PSD3: variants seen among roughly 807,000 people sequenced by gnomAD.
PSD3 encodes the protein PH and SEC7 domain-containing protein 3.
Under a neutral mutation model 105.5 loss-of-function variants are expected in PSD3, and 49 were observed. The observed-to-expected ratio is 0.46, with a 90% CI of 0.37 to 0.59. The LOEUF (loss-of-function observed/expected upper bound fraction) is 0.59, where lower values mean the gene tolerates loss of function less well. Ranked by LOEUF, PSD3 falls within the 20% of genes least tolerant of loss-of-function variation. The probability of loss-of-function intolerance (pLI) is 0.00; values close to 1 mark genes in which losing one functional copy is unlikely to be tolerated. For synonymous variants in PSD3, 557 were observed against 457.8 expected (o/e 1.22, Z -2.77); for missense variants, 1,561 against 1,263.8 (o/e 1.24, Z -3.57).
intron 9 of PSD3, among the ~76,000 whole-genome samples, chr8:18,730,844 T>G (rs1388606222): frequency 6.6e-6 from 1 of 151,950 alleles, no homozygotes; most frequent in Non-Finnish European, 1.5e-5. Context: ...TTAAAATATA[T>G]GAAAACACTG....
intron 2 of PSD3, among the ~76,000 whole-genome samples, chr8:18,932,710 T>A (rs999717106): frequency 5.9e-5 from 9 of 152,236 alleles, no homozygotes; most frequent in African/African-American, 2.2e-4. Context: ...TAGGAGGCCC[T>A]ACATGATATG....
chr8:18,558,249 T>G (rs915219808), intron 14 of PSD3, among the ~76,000 whole-genome samples: 5 of 152,234 alleles, frequency 3.3e-5, no homozygotes, highest in Non-Finnish European at 7.3e-5. Flanking sequence ...CTTTGTGTAT[T>G]TATTGCAATA....
At chr8:18,608,645 A>C (rs531177823) in intron 11 of PSD3, among the ~76,000 whole-genome samples, 1 of 152,236 alleles carries the variant, frequency 6.6e-6, no homozygotes, top group Non-Finnish European at 1.5e-5. Flanking sequence ...GATTTTTGTA[A>C]AAGTGAAATG....
intron 8 of PSD3, 160 bp downstream of exon 8, chr8:18,799,135 A>C (rs1336493235): frequency 3.0e-6 from 2 of 664,440 alleles, no homozygotes; most frequent in Non-Finnish European, 5.2e-6. Flanking sequence ...ATGTGAAATA[A>C]AAAAATTATT....
chr8:18,709,543 T>C (rs1253267252), intron 9 of PSD3, among the ~76,000 whole-genome samples: 1 of 152,172 alleles, frequency 6.6e-6, no homozygotes, highest in Non-Finnish European at 1.5e-5. Flanking sequence ...CCTGACTAGG[T>C]GAAACCTCCC....
At chr8:18,918,656 T>G (rs1820787689) in intron 2 of PSD3, among the ~76,000 whole-genome samples, 1 of 152,190 alleles carries the variant, frequency 6.6e-6, no homozygotes, top group South Asian at 2.1e-4. Flanking sequence ...CTGTTCCCAG[T>G]ACATCAGCAT....
chr8:18,773,625 T>A (rs1182372125), intron 8 of PSD3, among the ~76,000 whole-genome samples: 1 of 152,236 alleles, frequency 6.6e-6, no homozygotes, highest in Non-Finnish European at 1.5e-5. Context: ...TTTTCCCTTT[T>A]ATTTGCATCT....
chr8:18,867,521 C>T (rs1817027144), intron 4 of PSD3, among the ~76,000 whole-genome samples, 153 bp downstream of exon 4: 1 of 152,174 alleles, frequency 6.6e-6, no homozygotes, highest in African/African-American at 2.4e-5. Context: ...GTCTTTCCTG[C>T]CCTAAAACTC....
intron 12 of PSD3, among the ~76,000 whole-genome samples, chr8:18,596,867 G>A (rs946402779): frequency 6.6e-6 from 1 of 152,076 alleles, no homozygotes; most frequent in African/African-American, 2.4e-5. Flanking sequence ...AGGAGCAGAT[G>A]GCTTCACCAG....
rs1226123740 is a variant in PSD3, at chr8:18,530,980, CA to C, written c.*4762del. 1.3e-5 allele frequency: 2 copies of C among 152,100 alleles called. No individual in the cohort carries two copies. Among genetic ancestry groups the C allele is most frequent in the African/African-American group, 4.8e-5 (2 of 41,400 alleles). The allele number at this position is 152,100 out of a possible 1,614,324, so 9.4% of individuals were successfully genotyped here. ...CTTTTCATATCACACTGATTAAGGA[CA>C]AAAATAATTTTGATGTACATGTACC... On this transcript the variant is annotated 3_prime_UTR_variant, in exon 16 of 16. Transcript: ENST00000327040.
At chr8:18,623,007 A>G (rs1806223471) in intron 11 of PSD3, among the ~76,000 whole-genome samples, 1 of 152,234 alleles carries the variant, frequency 6.6e-6, no homozygotes, top group Non-Finnish European at 1.5e-5. Flanking sequence ...TAATTATGCT[A>G]TAATGATGGC....
At chr8:18,574,652 T>C (rs1401386681) in intron 13 of PSD3, among the ~76,000 whole-genome samples, 4 of 152,208 alleles carry the variant, frequency 2.6e-5, no homozygotes, top group Non-Finnish European at 5.9e-5. Flanking sequence ...ACAGTTCCTA[T>C]GTGCCAGGCA....
intron 11 of PSD3, among the ~76,000 whole-genome samples, chr8:18,604,060 A>C (rs1804636316): frequency 6.6e-6 from 1 of 152,232 alleles, no homozygotes; most frequent in African/African-American, 2.4e-5. Context: ...AAGATACCTG[A>C]AAATGTGAAA....
intron 9 of PSD3, among the ~76,000 whole-genome samples, chr8:18,762,661 A>T (rs1262426126): frequency 6.6e-6 from 1 of 152,224 alleles, no homozygotes; most frequent in Non-Finnish European, 1.5e-5. Context: ...TTATTTGAGT[A>T]AACAACGAAA....
rs551605788 is a variant in PSD3, at chr8:18,581,107, C to T, written c.2482-5822G>A. ...AGCAAAGGCTTGTCAAAGCACTTGG[C>T]TAGCGGATGACTCACTCTGTAACGA... On this transcript the variant is annotated intron_variant, in intron 12 of 15. Coordinates refer to ENST00000327040, the MANE Select transcript of PSD3 (RefSeq NM_015310.4). 3.9e-5 allele frequency among the ~76,000 whole-genome samples: 6 copies of T among 152,270 alleles called. 1 individual carries two copies. The highest frequency in any genetic ancestry group is 1.4e-4 in the African/African-American group (6 of 41,552).
chr8:18,781,621 G>A (rs963076569), intron 8 of PSD3, among the ~76,000 whole-genome samples: 1 of 152,096 alleles, frequency 6.6e-6, no homozygotes, highest in Admixed American at 6.5e-5. Context: ...CCCCTTTGCT[G>A]TATTTAGAAT....
chr8:18,536,042 G>T, intron 15 of PSD3, 84 bp from the exon 16 acceptor site: 1 of 1,327,810 alleles, frequency 7.5e-7, no homozygotes, highest in Admixed American at 1.8e-5. Context: ...TACCCACCTG[G>T]AGAGTGTGAA....
Position 19,036,542 on chromosome 8 carries a change from A to G in PSD3, c.324+47664T>C, listed in dbSNP as rs145212929. ...AAGTATTTTACAGATAAGGAAACAC[A>G]AAGTACTAAAGAAACACAAAGATAA... is the stretch of plus-strand genomic sequence containing the variant. On this transcript the variant is annotated intron_variant, in intron 1 of 1. Coordinates refer to the PSD3 transcript ENST00000521475. Among the ~76,000 whole-genome samples the G allele has an allele frequency of 5.2e-3, 789 of 152,316 alleles. 1 individual carries two copies. The highest frequency in any genetic ancestry group is 7.4e-3 in the Non-Finnish European group (501 of 68,034).
At chr8:18,555,591 T>C (rs556698960) in intron 15 of PSD3, among the ~76,000 whole-genome samples, 1 of 152,286 alleles carries the variant, frequency 6.6e-6, no homozygotes, top group South Asian at 2.1e-4. Flanking sequence ...AACTGAGCCA[T>C]GGAAATATTT....
Sources: allele counts gnomAD v4.1 joint callset (sites outside exome capture counted in the v4.1 genomes callset), GRCh38; gene constraint gnomAD v4.1.1; transcripts MANE v1.5; gene names NCBI Gene and HGNC (gene_info 2026-07-23, HGNC 2026-07-21).